The following KCNH1 variants were observed in gnomAD, a reference collection of about 807,000 sequenced individuals.
KCNH1 encodes the protein potassium voltage-gated channel subfamily H member 1.
A neutral mutation model predicts 69.2 loss-of-function variants in KCNH1; 27 were observed. That is an observed-to-expected ratio of 0.39 (90% CI 0.29 to 0.54). The LOEUF is 0.54. KCNH1 is among the 20% of genes least tolerant of loss of function. The pLI, the probability that KCNH1 is intolerant of heterozygous loss-of-function variation, is 0.68. For missense variants in KCNH1, 798 were observed against 1,261.6 expected (o/e 0.63, Z 5.57); for synonymous variants, 456 against 487.7 (o/e 0.93, Z 0.86).
chr1:210,768,894 G>A (rs927920913), intron 10 of KCNH1, among the ~76,000 whole-genome samples: 2 of 151,876 alleles, frequency 1.3e-5, no homozygotes, highest in African/African-American at 4.8e-5. Flanking sequence ...GACTGCACAG[G>A]TCCCTAACAT....
intron 10 of KCNH1, among the ~76,000 whole-genome samples, chr1:210,723,323 C>A (rs908713034): frequency 2.7e-5 from 4 of 146,108 alleles, no homozygotes; most frequent in Non-Finnish European, 5.9e-5. Flanking sequence ...GTTAGGAGGA[C>A]CATGGTCACC....
intron 7 of KCNH1, among the ~76,000 whole-genome samples, chr1:210,878,003 C>T (rs1034986880): frequency 4.6e-5 from 7 of 152,230 alleles, no homozygotes; most frequent in Admixed American, 1.3e-4. Context: ...ATATTATACT[C>T]ATTTATGTGG....
chr1:210,949,137 T>G lies in KCNH1; in HGVS notation c.1033-29068A>C, dbSNP rs889142832. Among the ~76,000 whole-genome samples the G allele has an allele frequency of 1.4e-4, 21 of 152,140 alleles. 1 individual carries two copies. Among genetic ancestry groups the G allele is most frequent in the Middle Eastern group, 3.2e-3 (1 of 316 alleles). ...TCTTTAATGCTGTTATAGCCTTTTATACTTAAAGGGAAAAAAGATACCATG... is the reference window on the plus strand; with the variant it reads ...TCTTTAATGCTGTTATAGCCTTTTAGACTTAAAGGGAAAAAAGATACCATG... On this transcript the variant is annotated intron_variant, in intron 6 of 10. Transcript: ENST00000271751.
At chr1:210,984,525 A>C (rs903840496) in intron 6 of KCNH1, among the ~76,000 whole-genome samples, 14 of 152,230 alleles carry the variant, frequency 9.2e-5, no homozygotes, top group Non-Finnish European at 2.1e-4. Context: ...GCATCTATTG[A>C]GATAATCATG....
chr1:210,913,956 C>G (rs1449164370), intron 7 of KCNH1, among the ~76,000 whole-genome samples: 1 of 152,102 alleles, frequency 6.6e-6, no homozygotes, highest in Non-Finnish European at 1.5e-5. Context: ...CCAGCTTTCC[C>G]CTTCCTTTTC....
In KCNH1 at chr1:210,970,102, A is replaced by AT. The variant is rs561114791; in HGVS notation, c.1032+48680dup. 7.1e-3 allele frequency among the ~76,000 whole-genome samples: 1,049 copies of AT among 148,570 alleles called. 10 individuals carry two copies. Among genetic ancestry groups the AT allele is most frequent in the African/African-American group, 0.019 (762 of 40,550 alleles). On this transcript the variant is annotated intron_variant, in intron 6 of 10. Transcript: ENST00000271751. ...TGTTTTGTTTTTTTCTCCTGCTTTT[A>AT]TTTTTTTTTTATTTTCCTAAGTTCC...
chr1:210,748,396 A>G (rs2149041071), intron 10 of KCNH1, among the ~76,000 whole-genome samples: 1 of 152,328 alleles, frequency 6.6e-6, no homozygotes, highest in South Asian at 2.1e-4. Flanking sequence ...TTACTGAGCA[A>G]CTATTATGAC....
At chr1:210,738,858 G>T (rs756111631) in intron 10 of KCNH1, among the ~76,000 whole-genome samples, 3 of 152,050 alleles carry the variant, frequency 2.0e-5, no homozygotes, top group Non-Finnish European at 2.9e-5. Flanking sequence ...GAGCCATTGC[G>T]CCTGACCTCG....
intron 5 of KCNH1, among the ~76,000 whole-genome samples, chr1:211,076,158 T>G (rs914832484): frequency 1.3e-5 from 2 of 152,222 alleles, no homozygotes; most frequent in Non-Finnish European, 2.9e-5. Context: ...GGGCAGGGCA[T>G]AGCTGAACAA....
chr1:210,779,580 G>T (rs898489006), intron 9 of KCNH1, among the ~76,000 whole-genome samples: 1 of 152,104 alleles, frequency 6.6e-6, no homozygotes, highest in African/African-American at 2.4e-5. Context: ...AAGAACAAAA[G>T]GTACCCCAAT....
At chr1:210,993,635 C>T (rs61850219) in intron 6 of KCNH1, among the ~76,000 whole-genome samples, 2,918 of 152,282 alleles carry the variant, frequency 0.019, 40 homozygotes, top group South Asian at 0.057. Flanking sequence ...TACTCAAAAC[C>T]GTTTATTATA....
At chr1:210,785,154 T>C (rs1417194341) in intron 9 of KCNH1, among the ~76,000 whole-genome samples, 1 of 152,062 alleles carries the variant, frequency 6.6e-6, no homozygotes, top group Non-Finnish European at 1.5e-5. Flanking sequence ...TACCAAGATA[T>C]GGGAGAGGCA....
intron 10 of KCNH1, among the ~76,000 whole-genome samples, chr1:210,766,139 T>C (rs2102357928): frequency 6.6e-6 from 1 of 152,296 alleles, no homozygotes; most frequent in African/African-American, 2.4e-5. Context: ...GGTAGATTTG[T>C]ATATTTTTGT....
intron 7 of KCNH1, among the ~76,000 whole-genome samples, chr1:210,831,102 T>C (rs1685153132): frequency 1.3e-5 from 2 of 152,352 alleles, no homozygotes; most frequent in African/African-American, 4.8e-5. Context: ...AGCGTGATTT[T>C]GTCATAAAGA....
chr1:210,887,397 A>G (rs1305273842), intron 7 of KCNH1, among the ~76,000 whole-genome samples: 3 of 152,218 alleles, frequency 2.0e-5, no homozygotes, highest in Non-Finnish European at 4.4e-5. Flanking sequence ...TGAAGGAAGC[A>G]CTAAATATGG....
At chr1:211,007,309 C>T (rs79889143) in intron 6 of KCNH1, among the ~76,000 whole-genome samples, 2,744 of 152,314 alleles carry the variant, frequency 0.018, 60 homozygotes, top group South Asian at 0.093. Flanking sequence ...TCATTGTTCT[C>T]TTCTATCAGA....
chr1:211,013,434 C>T (rs1689435925), intron 6 of KCNH1, among the ~76,000 whole-genome samples: 1 of 152,156 alleles, frequency 6.6e-6, no homozygotes, highest in South Asian at 2.1e-4. Flanking sequence ...TCTCACCCCT[C>T]AGCTGTAAGA....
chr1:211,126,558 C>G (rs887784958), intron 1 of KCNH1, among the ~76,000 whole-genome samples: 1 of 151,688 alleles, frequency 6.6e-6, no homozygotes, highest in South Asian at 2.1e-4. Context: ...GCCTGTAGTC[C>G]CAGCTACTCG....
In KCNH1 at chr1:210,683,210, T is replaced by TA; in HGVS notation, c.*70dup. On this transcript the variant is annotated 3_prime_UTR_variant, in exon 11 of 11. Transcript: ENST00000271751. This position sits in a 1 kb window ranked among gnomAD's most constrained non-coding sequence, Gnocchi z 5.7. ...TTGAAAATTGTTGGTCATGTGGACA[T>TA]ATGTGGTAGGGGTGGTGGTGACGGC... is the stretch of plus-strand genomic sequence containing the variant. 7.0e-7 allele frequency: 1 copy of TA among 1,425,332 alleles called. No individual in the cohort carries two copies. Among genetic ancestry groups the TA allele is most frequent in the Non-Finnish European group, 9.6e-7 (1 of 1,046,560 alleles). 88.3% of individuals were successfully genotyped at this position (1,425,332 alleles called of 1,614,324 possible). A position where few individuals can be genotyped will look rare whatever the true frequency, so the allele number is the denominator to read the frequency against.
Sources: allele counts gnomAD v4.1 joint callset (sites outside exome capture counted in the v4.1 genomes callset), GRCh38; gene constraint gnomAD v4.1.1; non-coding constraint Gnocchi (gnomAD v3.1); transcripts MANE v1.5; gene names NCBI Gene and HGNC (gene_info 2026-07-23, HGNC 2026-07-21).